The following CAPZB variants were observed in gnomAD, a reference collection of about 807,000 sequenced individuals.
The protein encoded by CAPZB is capping actin protein of muscle Z-line subunit beta, also known as F-actin-capping protein subunit beta.
A neutral mutation model predicts 38.1 loss-of-function variants in CAPZB; 2 were observed. That is an observed-to-expected ratio of 0.05 (90% confidence interval 0.02 to 0.17). The LOEUF (loss-of-function observed/expected upper bound fraction) is 0.17. CAPZB is among the 10% of genes least tolerant of loss of function. CAPZB has a pLI of 1.00. For synonymous variants in CAPZB, 107 were observed against 127.4 expected, an observed-to-expected ratio of 0.84 and a Z score of 1.08; for missense variants, 161 against 334.2, an observed-to-expected ratio of 0.48 and a Z score of 4.04.
intron 1 of CAPZB, among the ~76,000 whole-genome samples, chr1:19,428,244 A>G (rs2100561790): frequency 6.6e-6 from 1 of 152,254 alleles, no homozygotes; most frequent in East Asian, 1.9e-4. Context: ...CTCTACTAAA[A>G]ATACAAAAAT....
chr1:19,452,793 C>CTTTTTTTTT (rs34430556), intron 1 of CAPZB, among the ~76,000 whole-genome samples: 9 of 118,422 alleles, frequency 7.6e-5, no homozygotes, highest in Admixed American at 1.9e-4. Context: ...TAATTTCTTT[C>CTTTTTTTTT]TTTTTTTTTT....
At chr1:19,358,326 T>A (rs887403424) in intron 4 of CAPZB, among the ~76,000 whole-genome samples, 2 of 152,074 alleles carry the variant, frequency 1.3e-5, no homozygotes, top group African/African-American at 4.8e-5. Flanking sequence ...TTAGTAGAGA[T>A]GGGGTTTTGC....
chr1:19,415,687 G>A (rs1357735787), intron 2 of CAPZB, among the ~76,000 whole-genome samples: 1 of 152,200 alleles, frequency 6.6e-6, no homozygotes, highest in Non-Finnish European at 1.5e-5. Context: ...TCAGAAAGTG[G>A]CTTCTGAAGC....
chr1:19,342,178 G>A (rs374002154), intron 8 of CAPZB, among the ~76,000 whole-genome samples: 1 of 152,234 alleles, frequency 6.6e-6, no homozygotes, highest in Non-Finnish European at 1.5e-5. Flanking sequence ...GGCACTGGGC[G>A]TCCAGGCAGC....
At chr1:19,405,710 G>C (rs1025953176) in intron 2 of CAPZB, among the ~76,000 whole-genome samples, 8 of 152,142 alleles carry the variant, frequency 5.3e-5, no homozygotes, top group African/African-American at 1.7e-4. Flanking sequence ...GGAGATTAAC[G>C]ATCATTAAAT....
chr1:19,360,466 G>A (rs1230083118), intron 4 of CAPZB, among the ~76,000 whole-genome samples: 2 of 152,218 alleles, frequency 1.3e-5, no homozygotes, highest in Non-Finnish European at 2.9e-5. Context: ...TCCATGCAGA[G>A]CTGCGGTGCT....
intron 1 of CAPZB, among the ~76,000 whole-genome samples, chr1:19,453,246 C>T (rs529395626): frequency 8.3e-4 from 126 of 152,130 alleles, no homozygotes; most frequent in Non-Finnish European, 5.3e-4. Flanking sequence ...ACTAACAGCA[C>T]GTCTTTTATT....
intron 4 of CAPZB, among the ~76,000 whole-genome samples, chr1:19,359,210 C>CTTTTT (rs57251931): frequency 1.5e-3 from 167 of 114,330 alleles, no homozygotes; most frequent in South Asian, 3.0e-3. Flanking sequence ...TCTCTGTACT[C>CTTTTT]TTTTTTTTTT....
rs376373626 is a variant in CAPZB, at chr1:19,355,338, A to G, written c.588+1297T>C. Among the ~76,000 whole-genome samples the G allele has an allele frequency of 7.9e-5, 12 of 152,212 alleles. 1 individual carries two copies. The highest frequency in any genetic ancestry group is 1.3e-4 in the Admixed American group (2 of 15,290). ...GTGAAATCCCATCTCTACTAAAAAT[A>G]CAAAAAATGAGCTGGGCGTGGTGGT... On this transcript the variant is annotated intron_variant, in intron 6 of 8. Coordinates refer to ENST00000264202, the MANE Select transcript of CAPZB (RefSeq NM_004930.5).
chr1:19,448,847 G>A (rs777478580), intron 1 of CAPZB: 9 of 1,612,770 alleles, frequency 5.6e-6, no homozygotes, highest in Non-Finnish European at 7.6e-6. Flanking sequence ...TCTAGGTTCT[G>A]GGTCACATCT....
intron 1 of CAPZB, among the ~76,000 whole-genome samples, chr1:19,444,357 C>T (rs2094489452): frequency 6.6e-6 from 1 of 152,190 alleles, no homozygotes; most frequent in African/African-American, 2.4e-5. Context: ...CACCTCCCCA[C>T]CCTGTGACAA....
At chr1:19,380,706 C>T (rs1200378174) in intron 3 of CAPZB, among the ~76,000 whole-genome samples, 6 of 152,182 alleles carry the variant, frequency 3.9e-5, no homozygotes, top group Non-Finnish European at 8.8e-5. Flanking sequence ...CCAAGAGACT[C>T]AATTCTTAAT....
intron 2 of CAPZB, among the ~76,000 whole-genome samples, chr1:19,412,549 T>C (rs1196745789): frequency 1.3e-5 from 2 of 152,174 alleles, no homozygotes; most frequent in Admixed American, 1.3e-4. Flanking sequence ...TCCCAAGTAG[T>C]TGTAACTTCA....
At chr1:19,420,111 C>T (rs914521737) in intron 1 of CAPZB, 3 of 188,124 alleles carry the variant, frequency 1.6e-5, no homozygotes, top group Non-Finnish European at 3.3e-5. Context: ...ACTCCAGTAG[C>T]GGATTACTTT....
chr1:19,401,481 ACT>A (rs4065219), intron 2 of CAPZB, among the ~76,000 whole-genome samples: 5,915 of 152,092 alleles, frequency 0.039, 133 homozygotes, highest in African/African-American at 0.052. Context: ...TTTGCCTGAC[ACT>A]CTTGCTGGGA....
intron 1 of CAPZB, among the ~76,000 whole-genome samples, chr1:19,451,858 T>C (rs1299667519): frequency 6.6e-6 from 1 of 152,180 alleles, no homozygotes; most frequent in African/African-American, 2.4e-5. Context: ...ATCATGCAGA[T>C]AACAGCTAAC....
chr1:19,454,716 G>A (rs2094527633), intron 1 of CAPZB, among the ~76,000 whole-genome samples: 2 of 152,194 alleles, frequency 1.3e-5, no homozygotes, highest in South Asian at 4.1e-4. Flanking sequence ...ACTCATTTCA[G>A]AAAGCAATTG....
intron 2 of CAPZB, among the ~76,000 whole-genome samples, chr1:19,399,996 C>A (rs993539292): frequency 1.7e-4 from 26 of 152,218 alleles, no homozygotes; most frequent in African/African-American, 6.3e-4. Context: ...GAGTTATTCA[C>A]AAGAAGGGGA....
At chr1:19,345,312 C>T in intron 6 of CAPZB, 60 bp from the exon 7 acceptor site, 2 of 1,332,616 alleles carry the variant, frequency 1.5e-6, no homozygotes, top group Non-Finnish European at 2.2e-6. Context: ...GAACGGCAGA[C>T]AGCCCACCCC....
Sources: allele counts gnomAD v4.1 joint callset (sites outside exome capture counted in the v4.1 genomes callset), GRCh38; gene constraint gnomAD v4.1.1; transcripts MANE v1.5; gene names NCBI Gene and HGNC (gene_info 2026-07-23, HGNC 2026-07-21).